Variants in SKA1 observed in about 807,000 individuals in gnomAD.
SKA1 encodes spindle and kinetochore associated complex subunit 1.
A neutral mutation model predicts 31.8 loss-of-function variants in SKA1; 20 were observed. The ratio of observed to expected loss-of-function variants is 0.63; its 90% CI spans 0.44 to 0.91. The LOEUF is 0.91. Among genes scored for constraint, SKA1 ranks in the 40% least tolerant of loss-of-function variants. The pLI is 0.00. For missense variants in SKA1, 253 were observed against 298.2 expected (o/e 0.85, Z 1.12); for synonymous variants, 88 against 100.5 (o/e 0.88, Z 0.74).
chr18:50,385,699 G>A (rs1333590481), intron 5 of SKA1, among the ~76,000 whole-genome samples: 4 of 152,196 alleles, frequency 2.6e-5, no homozygotes, highest in Non-Finnish European at 5.9e-5. Context: ...GGACAGTGTT[G>A]TGTTTGGTTT....
chr18:50,382,263 T>A (rs777979216), intron 4 of SKA1, 37 bp downstream of exon 4: 2 of 1,272,940 alleles, frequency 1.6e-6, no homozygotes, highest in Non-Finnish European at 2.1e-6. Flanking sequence ...TATCTGGATT[T>A]ATAAACCCAT....
intron 5 of SKA1, among the ~76,000 whole-genome samples, chr18:50,389,744 T>C (rs1299263127): frequency 6.6e-6 from 1 of 152,208 alleles, no homozygotes; most frequent in Non-Finnish European, 1.5e-5. Flanking sequence ...TGTTTGATGC[T>C]CTGATGCTAT....
At chr18:50,378,674 CA>C (rs60131407) in intron 2 of SKA1, among the ~76,000 whole-genome samples, 51 of 130,218 alleles carry the variant, frequency 3.9e-4, no homozygotes, top group East Asian at 1.1e-3. Flanking sequence ...GACCCTGTCT[CA>C]AAAAAAAAAA....
intron 4 of SKA1, among the ~76,000 whole-genome samples, chr18:50,383,716 T>C (rs2041280543): frequency 6.6e-6 from 1 of 152,226 alleles, no homozygotes; most frequent in South Asian, 2.1e-4. Context: ...CTCTCAGGGA[T>C]AGGTGAGAGC....
At chr18:50,390,310 A>G (rs917778350) in intron 5 of SKA1, among the ~76,000 whole-genome samples, 3 of 152,252 alleles carry the variant, frequency 2.0e-5, no homozygotes, top group African/African-American at 7.2e-5. Flanking sequence ...TTGAATAGAA[A>G]TGAAGGACAG....
chr18:50,390,704 CTCTT>C (rs2041349760), intron 5 of SKA1, among the ~76,000 whole-genome samples: 2 of 151,946 alleles, frequency 1.3e-5, no homozygotes, highest in Non-Finnish European at 2.9e-5. Context: ...TCCTTTTTTT[CTCTT>C]TCTTTCTCTG....
chr18:50,378,031 T>A (rs1002427482), intron 2 of SKA1, among the ~76,000 whole-genome samples: 6 of 152,342 alleles, frequency 3.9e-5, no homozygotes, highest in African/African-American at 1.4e-4. Context: ...GGCGACAGTT[T>A]CTGTTTCTTG....
At position 50,392,440 on chromosome 18, in the gene SKA1, C is replaced by T. The variant is rs1006627494; in HGVS notation, c.*193C>T. 1.8e-5 allele frequency: 6 copies of T among 334,508 alleles called. No individual in the cohort carries two copies. The highest frequency in any genetic ancestry group is 3.1e-5 in the Non-Finnish European group (6 of 193,052). The allele number at this position is 334,508 out of a possible 1,614,324, so 20.7% of individuals were successfully genotyped here. On this transcript the variant is annotated 3_prime_UTR_variant, in exon 7 of 7. Transcript: ENST00000285116. ...CTAGAGTGCAGTGGCGCAAACATGG[C>T]TCACTGCAGCCTCAACCTCCCAGGC...
Position 50,375,919 on chromosome 18 carries a change from G to GCCAGGAACC in SKA1, c.88+1_88+2insCCAGGAACC. ...AAAACCTTATCATTAAGAAACTGTG[G>GCCAGGAACC]TAAGTAAAACAGATTCCACTGACTT... On this transcript the variant is annotated splice_donor_variant, in intron 2 of 6. Coordinates refer to ENST00000285116, the MANE Select transcript of SKA1 (RefSeq NM_145060.4). LOFTEE classifies it high-confidence loss of function. 6.4e-7 allele frequency: 1 copy of GCCAGGAACC among 1,564,942 alleles called. No homozygotes were observed. Among genetic ancestry groups the GCCAGGAACC allele is most frequent in the Non-Finnish European group, 8.8e-7 (1 of 1,140,550 alleles).
Position 50,376,266 on chromosome 18 carries a change from C to G in SKA1, c.88+348C>G, listed in dbSNP as rs79583572. Among the ~76,000 whole-genome samples, 847 of 152,184 alleles carry G rather than the reference C, an allele frequency of 5.6e-3. 12 individuals are homozygous for G. The highest frequency in any genetic ancestry group is 0.019 in the African/African-American group (770 of 41,516). ...TGATGGAGATGTGTTCTGACAAAAG[C>G]GTTACATGATTTTGTCGTTGTGCAA... On this transcript the variant is annotated intron_variant, in intron 2 of 6. Coordinates refer to ENST00000285116, the MANE Select transcript of SKA1 (RefSeq NM_145060.4).
intron 1 of SKA1, 54 bp from the exon 2 acceptor site, chr18:50,375,766 C>T: frequency 8.4e-7 from 1 of 1,193,208 alleles, no homozygotes; most frequent in Non-Finnish European, 1.2e-6. Flanking sequence ...CGAAAGTGAA[C>T]AGAAATTTGT....
rs753029055 is a variant in SKA1, at chr18:50,392,099, G to A, written c.620G>A (p.Gly207Asp). The stretch of plus-strand genomic sequence containing the variant: ...TTAGCACTAATATCTTTATTTTTAG[G>A]TCGTTATTTTATAGTGGAAGCTGAC... ...FIDEETKDTKGRYFIVEADIK... is the reference protein window; with the variant it reads ...FIDEETKDTKDRYFIVEADIK... The change falls in exon 7 of 7, where the codon GGT becomes GAT. Residue 207 changes from glycine to aspartate, a missense_variant and splice_region_variant. Gly to Asp is a moderately conservative substitution (Grantham distance 94, BLOSUM62 -1). Transcript: ENST00000285116. The A allele has an allele frequency of 3.2e-6, 5 of 1,571,084 alleles. No individual in the cohort carries two copies. The highest frequency in any genetic ancestry group is 4.3e-6 in the Non-Finnish European group (5 of 1,165,768).
At chr18:50,375,953 C>A in intron 2 of SKA1, 35 bp downstream of exon 2, 1 of 1,337,726 alleles carries the variant, frequency 7.5e-7, no homozygotes, top group Non-Finnish European at 1.1e-6. Context: ...TTTGTATATA[C>A]AAAATGCATT....
chr18:50,378,932 G>A (rs1387274061), intron 2 of SKA1, among the ~76,000 whole-genome samples: 1 of 151,926 alleles, frequency 6.6e-6, no homozygotes, highest in East Asian at 1.9e-4. Context: ...CATTTACTGA[G>A]TATTACGTTC....
Position 50,385,240 on chromosome 18 carries a change from T to C in SKA1, c.336T>C (p.Pro112=). 1 of 1,613,480 alleles carries C rather than the reference T, an allele frequency of 6.2e-7. No homozygotes were observed. The highest frequency in any genetic ancestry group is 8.5e-7 in the Non-Finnish European group (1 of 1,179,724). Residue 112 remains proline, a synonymous_variant, in exon 5 of 7, where the codon CCT becomes CCC. Coordinates refer to ENST00000285116, the MANE Select transcript of SKA1 (RefSeq NM_145060.4). ...QSCVKGSDLD[P]EEPIKVEEPE... ...GTGTTAAGGGATCAGATCTTGATCCTGAAGAACCAATCAAAGTTGAAGAAC... is the reference window on the plus strand; with the variant it reads ...GTGTTAAGGGATCAGATCTTGATCCCGAAGAACCAATCAAAGTTGAAGAAC...
chr18:50,383,464 T>C (rs751447334), intron 4 of SKA1, among the ~76,000 whole-genome samples: 18 of 152,222 alleles, frequency 1.2e-4, no homozygotes, highest in Non-Finnish European at 2.2e-4. Flanking sequence ...CTAGCCTTGA[T>C]ATGACATCTA....
At chr18:50,375,963 T>G in intron 2 of SKA1, 45 bp downstream of exon 2, 1 of 1,255,062 alleles carries the variant, frequency 8.0e-7, no homozygotes, top group Non-Finnish European at 1.1e-6. Flanking sequence ...CAAAATGCAT[T>G]TTGATTATTC....
intron 5 of SKA1, among the ~76,000 whole-genome samples, chr18:50,386,977 G>A (rs988127452): frequency 3.3e-5 from 5 of 152,154 alleles, no homozygotes; most frequent in East Asian, 1.9e-4. Context: ...TGAATAAAGC[G>A]CTAAAAACGT....
At chr18:50,390,735 TG>T (rs1352435590) in intron 5 of SKA1, among the ~76,000 whole-genome samples, 1 of 152,242 alleles carries the variant, frequency 6.6e-6, no homozygotes, top group Non-Finnish European at 1.5e-5. Flanking sequence ...TAATAGTTTT[TG>T]TATAGCACTA....
Sources: gnomAD v4.1 joint callset for allele counts (sites outside exome capture counted in the v4.1 genomes callset) on GRCh38, gnomAD v4.1.1 for gene constraint, MANE v1.5 for transcripts, NCBI Gene and HGNC (gene_info 2026-07-23, HGNC 2026-07-21) for gene names.